Variants in ANO3 observed in about 807,000 individuals in gnomAD.
ANO3 encodes anoctamin-3.
Under a neutral mutation model 144.8 loss-of-function variants are expected in ANO3, and 99 were observed. That is an observed-to-expected ratio of 0.68 (90% confidence interval 0.58 to 0.81). The LOEUF (loss-of-function observed/expected upper bound fraction) is 0.81. ANO3 is among the 30% of genes least tolerant of loss of function. The pLI, the probability that ANO3 is intolerant of heterozygous loss-of-function variation, is 0.00. For missense variants in ANO3, 905 were observed against 1,202.2 expected, an observed-to-expected ratio of 0.75 and a Z score of 3.66; for synonymous variants, 414 against 392.6, an observed-to-expected ratio of 1.05 and a Z score of -0.64.
At chr11:26,222,279 T>C (rs1400014972) in intron 1 of ANO3, among the ~76,000 whole-genome samples, 1 of 152,250 alleles carries the variant, frequency 6.6e-6, no homozygotes, top group Non-Finnish European at 1.5e-5. Context: ...CTGGACTCCA[T>C]ATACCACATC....
intron 17 of ANO3, among the ~76,000 whole-genome samples, chr11:26,612,408 T>C (rs1374808575): frequency 6.6e-6 from 1 of 151,704 alleles, no homozygotes; most frequent in Non-Finnish European, 1.5e-5. Context: ...CCCTACAATT[T>C]ATATTTCTGA....
At chr11:26,565,981 A>T in intron 14 of ANO3, 1 of 1,267,246 alleles carries the variant, frequency 7.9e-7, no homozygotes, top group South Asian at 1.7e-5. Context: ...AAGTGATAAA[A>T]ATCTAGACAT....
In ANO3 at chr11:26,564,116, A is replaced by AT. The variant is rs774069684; in HGVS notation, c.1447+4346dup. Among the ~76,000 whole-genome samples the AT allele has an allele frequency of 8.1e-4, 122 of 151,282 alleles. 1 individual carries two copies. In the East Asian group the frequency reaches 0.014, roughly 17 times the overall value. ...ACTAAAAGAGAAGTAAGCTAACTAA[A>AT]TTTTTTTTTACATAAAATAGCAATG... On this transcript the variant is annotated intron_variant, in intron 14 of 26. Transcript: ENST00000256737.
At chr11:26,656,669 T>C (rs539361495) in intron 26 of ANO3, among the ~76,000 whole-genome samples, 188 bp downstream of exon 26, 5 of 152,106 alleles carry the variant, frequency 3.3e-5, no homozygotes, top group African/African-American at 4.8e-5. Flanking sequence ...TGTAAGAGTG[T>C]ACATTAATTT....
chr11:26,558,996 T>C (rs760317647), intron 13 of ANO3: 2 of 152,164 alleles, frequency 1.3e-5, no homozygotes, highest in Non-Finnish European at 1.5e-5. Context: ...GTTACATATA[T>C]ACTGAGGGCA....
intron 3 of ANO3, among the ~76,000 whole-genome samples, chr11:26,454,750 G>C (rs563521124): frequency 2.3e-4 from 35 of 150,394 alleles, no homozygotes; most frequent in Non-Finnish European, 4.6e-4. Flanking sequence ...TGATACCAAA[G>C]CCAGGCAGAG....
At chr11:26,374,091 A>G (rs573333314) in intron 1 of ANO3, among the ~76,000 whole-genome samples, 157 of 152,304 alleles carry the variant, frequency 1.0e-3, no homozygotes, top group African/African-American at 3.6e-3. Context: ...CAGGTTCACA[A>G]TGTCATAGGT....
At chr11:26,191,311 CACACACATATATAT>C (rs1343776193) in intron 1 of ANO3, among the ~76,000 whole-genome samples, 1 of 150,938 alleles carries the variant, frequency 6.6e-6, no homozygotes, top group African/African-American at 2.4e-5. Context: ...TATATACACA[CACACACATATATAT>C]ATACACACAT....
intron 9 of ANO3, among the ~76,000 whole-genome samples, chr11:26,536,766 A>G (rs918368700): frequency 1.3e-5 from 2 of 152,148 alleles, no homozygotes; most frequent in African/African-American, 4.8e-5. Flanking sequence ...TGCTATAAAA[A>G]TTAAATGATT....
intron 1 of ANO3, among the ~76,000 whole-genome samples, chr11:26,436,239 A>G (rs1269243217): frequency 6.6e-6 from 1 of 152,202 alleles, no homozygotes; most frequent in East Asian, 1.9e-4. Flanking sequence ...TGGAGACAGC[A>G]AGGGCTAGTG....
At chr11:26,488,447 T>C (rs903675638) in intron 4 of ANO3, among the ~76,000 whole-genome samples, 1 of 152,154 alleles carries the variant, frequency 6.6e-6, no homozygotes, top group African/African-American at 2.4e-5. Context: ...CTCGCTGACT[T>C]CAAGAATGAA....
At chr11:26,280,651 G>GTTAA (rs775391533) in intron 1 of ANO3, among the ~76,000 whole-genome samples, 7 of 152,136 alleles carry the variant, frequency 4.6e-5, no homozygotes, top group Non-Finnish European at 8.8e-5. Flanking sequence ...TGACTCAAAT[G>GTTAA]TTAATCTCCT....
intron 13 of ANO3, among the ~76,000 whole-genome samples, chr11:26,556,086 A>C (rs1353738220): frequency 6.6e-6 from 1 of 152,212 alleles, no homozygotes; most frequent in African/African-American, 2.4e-5. Context: ...ATTAATATTT[A>C]AGTACATTAA....
At chr11:26,270,109 T>C (rs1047154265) in intron 1 of ANO3, among the ~76,000 whole-genome samples, 1 of 152,158 alleles carries the variant, frequency 6.6e-6, no homozygotes, top group Non-Finnish European at 1.5e-5. Context: ...ATATTGTAAA[T>C]ATTTTTAAGA....
chr11:26,407,014 A>G (rs4923355), intron 1 of ANO3, among the ~76,000 whole-genome samples: 84,415 of 134,056 alleles, frequency 0.63, 29,143 homozygotes, highest in Admixed American at 0.77. Context: ...ATAGGTGTGT[A>G]TATATATATA....
At chr11:26,469,422 A>G (rs1859704618) in intron 4 of ANO3, among the ~76,000 whole-genome samples, 1 of 152,004 alleles carries the variant, frequency 6.6e-6, no homozygotes, top group African/African-American at 2.4e-5. Flanking sequence ...AAAAACATTC[A>G]AATGTTCTCA....
At chr11:26,283,458 G>A (rs1413624375) in intron 1 of ANO3, among the ~76,000 whole-genome samples, 3 of 149,950 alleles carry the variant, frequency 2.0e-5, no homozygotes, top group African/African-American at 7.3e-5. Flanking sequence ...TGCTCTCCAA[G>A]CCTGAGAAGA....
intron 1 of ANO3, among the ~76,000 whole-genome samples, chr11:26,215,125 A>G (rs896854514): frequency 6.6e-6 from 1 of 151,874 alleles, no homozygotes; most frequent in African/African-American, 2.4e-5. Context: ...AGGTTTCTCT[A>G]TATATTTATT....
At chr11:26,584,582 A>C (rs1851225236) in intron 14 of ANO3, among the ~76,000 whole-genome samples, 1 of 152,246 alleles carries the variant, frequency 6.6e-6, no homozygotes, top group African/African-American at 2.4e-5. Context: ...GAGCATTTTC[A>C]GTGTGTCAAG....
Sources: allele counts gnomAD v4.1 joint callset (sites outside exome capture counted in the v4.1 genomes callset), GRCh38; gene constraint gnomAD v4.1.1; transcripts MANE v1.5; gene names NCBI Gene and HGNC (gene_info 2026-07-23, HGNC 2026-07-21).